Variants in JMJD6 observed in about 807,000 individuals in gnomAD.
The protein encoded by JMJD6 is jumonji domain containing 6, arginine demethylase and lysine hydroxylase, also known as bifunctional arginine demethylase and lysyl-hydroxylase JMJD6.
Under a neutral mutation model 45.8 loss-of-function variants are expected in JMJD6, and 17 were observed. The ratio of observed to expected loss-of-function variants is 0.37; its 90% CI spans 0.25 to 0.56. JMJD6 has a LOEUF of 0.56. Among genes scored for constraint, JMJD6 ranks in the 20% least tolerant of loss-of-function variants. JMJD6 has a pLI of 0.79. For synonymous variants in JMJD6, 221 were observed against 196.3 expected (o/e 1.13, Z -1.05); for missense variants, 470 against 517.5 (o/e 0.91, Z 0.89).
chr17:76,721,732 A>G, intron 4 of JMJD6, 66 bp downstream of exon 4: 2 of 1,524,718 alleles, frequency 1.3e-6, no homozygotes, highest in Non-Finnish European at 1.8e-6. Context: ...GCAGCAGTGG[A>G]CTAGCCATTT....
In JMJD6 at chr17:76,718,714, A is replaced by G. The variant is rs758673872; in HGVS notation, c.*15T>C. ...CGCGAGCGTGTCCTTCCATACAGAC[A>G]ACAGCCTTGCTGGGTCACCTGGAGG... On this transcript the variant is annotated 3_prime_UTR_variant, in exon 6 of 6. Coordinates refer to ENST00000397625, the MANE Select transcript of JMJD6 (RefSeq NM_015167.3). 6.2e-7 allele frequency: 1 copy of G among 1,613,204 alleles called. No homozygotes were observed. Among genetic ancestry groups the G allele is most frequent in the East Asian group, 2.2e-5 (1 of 44,874 alleles).
chr17:76,726,576 C>CT lies in JMJD6; in HGVS notation c.-102_-101insA, dbSNP rs1367939368. 1.4e-6 allele frequency: 2 copies of CT among 1,438,338 alleles called. No homozygotes were observed. The highest frequency in any genetic ancestry group is 3.0e-5 in the African/African-American group (2 of 67,736). The allele number at this position is 1,438,338 out of a possible 1,614,324, so 89.1% of individuals were successfully genotyped here. On this transcript the variant is annotated 5_prime_UTR_variant, in exon 1 of 6. Coordinates refer to ENST00000397625, the MANE Select transcript of JMJD6 (RefSeq NM_015167.3). ...CCTGGGCGGCGGCGACGGCAGTACC[C>CT]AAACGCCCTTCGCTCAGTCCCGGCG...
In JMJD6 at chr17:76,721,952, A is replaced by G. The variant is rs754984973; in HGVS notation, c.806-19T>C. The G allele has an allele frequency of 6.2e-7, 1 of 1,613,582 alleles. No individual in the cohort carries two copies. The highest frequency in any genetic ancestry group is 8.5e-7 in the Non-Finnish European group (1 of 1,179,698). ...CAGCCTCCTGAAATCCAACAAATAAACAGTTAAACAAGGTTTGATCCTATA... is the reference window on the plus strand; with the variant it reads ...CAGCCTCCTGAAATCCAACAAATAAGCAGTTAAACAAGGTTTGATCCTATA... On this transcript the variant is annotated intron_variant, in intron 3 of 5. Coordinates refer to ENST00000397625, the MANE Select transcript of JMJD6 (RefSeq NM_015167.3).
chr17:76,718,481 T>C lies in JMJD6; in HGVS notation c.*248A>G, dbSNP rs72874673. On this transcript the variant is annotated 3_prime_UTR_variant, in exon 6 of 6. Coordinates refer to ENST00000397625, the MANE Select transcript of JMJD6 (RefSeq NM_015167.3). The stretch of plus-strand genomic sequence containing the variant: ...AATGGATTCAATTTTTATTAAATAA[T>C]GTAAAGGATTTTCTTGGCACTATTC... 2.7e-3 allele frequency: 3,530 copies of C among 1,315,684 alleles called. 8 individuals carry two copies. The highest frequency in any genetic ancestry group is 3.3e-3 in the Non-Finnish European group (3,389 of 1,036,678). 81.5% of individuals were successfully genotyped at this position (1,315,684 alleles called of 1,614,324 possible). A position where few individuals can be genotyped will look rare whatever the true frequency, so the allele number is the denominator to read the frequency against.
In JMJD6 at chr17:76,725,866, T is replaced by TAA. The variant is rs771622837; in HGVS notation, c.130-13_130-12dup. The stretch of plus-strand genomic sequence containing the variant: ...CCTTTCCACGTTATCCTGAGGGAAT[T>TAA]AAAAAAGACCTGTCCAGTTAAAAAA... On this transcript the variant is annotated splice_polypyrimidine_tract_variant and intron_variant, in intron 1 of 5. Transcript: ENST00000397625. 1.3e-6 allele frequency: 2 copies of TAA among 1,574,544 alleles called. No homozygotes were observed. Among genetic ancestry groups the TAA allele is most frequent in the South Asian group, 2.3e-5 (2 of 85,964 alleles).
intron 5 of JMJD6, among the ~76,000 whole-genome samples, chr17:76,719,427 T>C (rs138056828): frequency 7.7e-4 from 118 of 152,268 alleles, no homozygotes; most frequent in African/African-American, 2.7e-3. Context: ...TAGCTGGGAT[T>C]ACAGGTGTGC....
downstream of JMJD6, chr17:76,713,919 G>T (rs547038914): frequency 6.6e-6 from 1 of 152,208 alleles, no homozygotes; most frequent in Non-Finnish European, 1.5e-5. Flanking sequence ...GTGAACAGCC[G>T]CAACAGCCGC....
rs2076811901 is a variant in JMJD6, at chr17:76,720,633, C to T, written c.942-135G>A. On this transcript the variant is annotated intron_variant, in intron 4 of 5. Transcript: ENST00000397625. ...GTGTCCGTTCAGAATGGATACTGTA[C>T]AATGGTGAGGACAAAACCCCAGGCT... The T allele has an allele frequency of 3.8e-6, 3 of 796,736 alleles. No individual in the cohort carries two copies. In the Admixed American group the frequency reaches 6.7e-5, roughly 18 times the overall value. 49.4% of individuals were successfully genotyped at this position (796,736 alleles called of 1,614,324 possible).
In JMJD6 at chr17:76,726,606, T is replaced by C. The variant is rs916328258; in HGVS notation, c.-131A>G. The C allele has an allele frequency of 8.3e-5, 105 of 1,265,564 alleles. No homozygotes were observed. The highest frequency in any genetic ancestry group is 1.0e-4 in the Non-Finnish European group (99 of 948,996). 78.4% of individuals were successfully genotyped at this position (1,265,564 alleles called of 1,614,324 possible). A position where few individuals can be genotyped will look rare whatever the true frequency, so the allele number is the denominator to read the frequency against. ...GCCCTTCGCTCAGTCCCGGCGCCTTTAAAGTCGCCTTCCAGAAAATTCACT... is the reference window on the plus strand; with the variant it reads ...GCCCTTCGCTCAGTCCCGGCGCCTTCAAAGTCGCCTTCCAGAAAATTCACT... On this transcript the variant is annotated 5_prime_UTR_variant, in exon 1 of 6. Transcript: ENST00000397625.
rs753921076 is a variant in JMJD6, at chr17:76,723,955, G to A, written c.622C>T (p.Leu208=). The change falls in exon 3 of 6, where the codon CTG becomes TTG. Residue 208 remains leucine (L), a synonymous_variant. Transcript: ENST00000397625. ...ALVQGHKRWC[L]FPTSTPRELI... is the part of the protein sequence containing the mutation. ...TCCCTGGGAGTGCTGGTAGGAAACAGGCACCAGCGCTTGTGGCCCTGAACT... is the reference window on the plus strand; with the variant it reads ...TCCCTGGGAGTGCTGGTAGGAAACAAGCACCAGCGCTTGTGGCCCTGAACT... 23 of 1,613,982 alleles carry A rather than the reference G, an allele frequency of 1.4e-5. No homozygotes were observed. Among genetic ancestry groups the A allele is most frequent in the Non-Finnish European group, 1.7e-5 (20 of 1,180,022 alleles).
intron 4 of JMJD6, 141 bp downstream of exon 4, chr17:76,721,657 C>G: frequency 1.1e-6 from 1 of 922,148 alleles, no homozygotes; most frequent in Non-Finnish European, 1.6e-6. Flanking sequence ...GCCCCTCTCT[C>G]CTCTACCCAG....
chr17:76,721,734 T>C, intron 4 of JMJD6, 64 bp downstream of exon 4: 1 of 1,535,416 alleles, frequency 6.5e-7, no homozygotes, highest in East Asian at 2.3e-5. Context: ...AGCAGTGGAC[T>C]AGCCATTTTA....
At chr17:76,717,883 C>T (rs1011532891), downstream of JMJD6, among the ~76,000 whole-genome samples, 8 of 151,400 alleles carry the variant, frequency 5.3e-5, no homozygotes, top group African/African-American at 1.2e-4. Context: ...CCCAGCTACT[C>T]GGGAGGCTGA....
At chr17:76,717,235 A>G (rs181042809), downstream of JMJD6, among the ~76,000 whole-genome samples, 239 of 152,340 alleles carry the variant, frequency 1.6e-3, 3 homozygotes, top group Admixed American at 0.011. Flanking sequence ...TATTTTAAAG[A>G]CAGGGTATCA....
rs750588206 is a variant in JMJD6, at chr17:76,718,712, A to T, written c.*17T>A. ...GCCGCGAGCGTGTCCTTCCATACAG[A>T]CAACAGCCTTGCTGGGTCACCTGGA... On this transcript the variant is annotated 3_prime_UTR_variant, in exon 6 of 6. Transcript: ENST00000397625. 4 of 1,612,880 alleles carry T rather than the reference A, an allele frequency of 2.5e-6. No homozygotes were observed. In the African/African-American group the frequency reaches 5.3e-5, roughly 22 times the overall value.
downstream of JMJD6, chr17:76,716,556 G>A: frequency 1.2e-6 from 1 of 813,736 alleles, no homozygotes; most frequent in Non-Finnish European, 2.1e-6. Flanking sequence ...ATAGGAGCTT[G>A]GACCAGGGAA....
At chr17:76,721,629 G>A (rs1157997010) in intron 4 of JMJD6, among the ~76,000 whole-genome samples, 169 bp downstream of exon 4, 1 of 152,172 alleles carries the variant, frequency 6.6e-6, no homozygotes, top group Non-Finnish European at 1.5e-5. Context: ...AACACCCTGA[G>A]GACTTGCCCT....
chr17:76,718,917 T>C (rs1203599957), intron 5 of JMJD6, 57 bp from the exon 6 acceptor site: 27 of 1,568,386 alleles, frequency 1.7e-5, no homozygotes, highest in Non-Finnish European at 2.2e-5. Flanking sequence ...CACTTCTTCA[T>C]TAAACAAACC....
chr17:76,719,253 C>T (rs146957099), intron 5 of JMJD6, among the ~76,000 whole-genome samples: 18 of 151,936 alleles, frequency 1.2e-4, no homozygotes, highest in Non-Finnish European at 2.4e-4. Flanking sequence ...CCCCGCCTGA[C>T]GAGAAAAGAC....
Sources: allele counts gnomAD v4.1 joint callset (sites outside exome capture counted in the v4.1 genomes callset), GRCh38; gene constraint gnomAD v4.1.1; transcripts MANE v1.5; gene names NCBI Gene and HGNC (gene_info 2026-07-23, HGNC 2026-07-21).